The following EPB41L4A variants were observed in gnomAD, a reference collection of about 807,000 sequenced individuals.
EPB41L4A encodes erythrocyte membrane protein band 4.1 like 4A.
A neutral mutation model predicts 108.6 loss-of-function variants in EPB41L4A; 100 were observed. The ratio of observed to expected loss-of-function variants is 0.92; its 90% confidence interval spans 0.78 to 1.09. The LOEUF is 1.09. EPB41L4A is among the 50% of genes least tolerant of loss of function. The pLI, the probability that EPB41L4A is intolerant of heterozygous loss-of-function variation, is 0.00. For synonymous variants in EPB41L4A, 319 were observed against 289.0 expected (o/e 1.10, Z -1.05); for missense variants, 1,030 against 842.7 (o/e 1.22, Z -2.75).
chr5:112,167,861 C>T (rs1429425276), intron 22 of EPB41L4A, among the ~76,000 whole-genome samples: 2 of 152,232 alleles, frequency 1.3e-5, no homozygotes, highest in East Asian at 1.9e-4. Context: ...AAGGGCCATA[C>T]ATGATAGATA....
rs1761659764 is a variant in EPB41L4A at position 112,190,806 on chromosome 5, ACCC to A, written c.1502+3759_1502+3761del. Among the ~76,000 whole-genome samples, 3 of 152,014 alleles carry A rather than the reference ACCC, an allele frequency of 2.0e-5. No individual in the cohort carries two copies. In the South Asian group the frequency reaches 6.2e-4, roughly 32 times the overall value. ...AGTATCAGCACACAGCAAAACCAAGACCCAGTCCCAAGTCCTCAGGTTATTCTG... is the reference window on the plus strand; with the variant it reads ...AGTATCAGCACACAGCAAAACCAAGAAGTCCCAAGTCCTCAGGTTATTCTG... On this transcript the variant is annotated intron_variant, in intron 17 of 22. Transcript: ENST00000261486.
In EPB41L4A at chr5:112,359,772, C is replaced by T. The variant is rs563439197; in HGVS notation, c.100-52282G>A. Among the ~76,000 whole-genome samples, 765 of 152,290 alleles carry T rather than the reference C, an allele frequency of 5.0e-3. 6 individuals are homozygous for T. Among genetic ancestry groups the T allele is most frequent in the African/African-American group, 0.017 (697 of 41,560 alleles). ...AGCCAGGATGGTCTCCATCTCCTGA[C>T]CTCGTGATCCACCCGCCTTGGCCTC... On this transcript the variant is annotated intron_variant, in intron 1 of 22. Coordinates refer to ENST00000261486, the MANE Select transcript of EPB41L4A (RefSeq NM_022140.5).
At chr5:112,386,006 A>T (rs1441065027) in intron 1 of EPB41L4A, among the ~76,000 whole-genome samples, 9 of 152,266 alleles carry the variant, frequency 5.9e-5, no homozygotes, top group African/African-American at 1.7e-4. Flanking sequence ...TGGTTTAATT[A>T]GTCCATTCAA....
intron 9 of EPB41L4A, among the ~76,000 whole-genome samples, chr5:112,258,608 C>T (rs772448014): frequency 5.3e-5 from 8 of 152,162 alleles, no homozygotes; most frequent in Non-Finnish European, 7.3e-5. Flanking sequence ...CTTTCACATC[C>T]TTGCCTTCTT....
chr5:112,259,481 G>A (rs1264775730), intron 8 of EPB41L4A, among the ~76,000 whole-genome samples, 189 bp from the exon 9 acceptor site: 2 of 152,126 alleles, frequency 1.3e-5, no homozygotes, highest in Non-Finnish European at 2.9e-5. Context: ...ATTGTCCTAT[G>A]CTTCTCCACT....
At chr5:112,161,211 C>T (rs552183623), downstream of EPB41L4A, 1 of 268,274 alleles carries the variant, frequency 3.7e-6, no homozygotes, top group Middle Eastern at 4.5e-4. Flanking sequence ...GCCCTGCCCC[C>T]GTATAAAATA....
chr5:112,185,029 GAGA>G (rs141900334), intron 17 of EPB41L4A, among the ~76,000 whole-genome samples: 4,950 of 151,386 alleles, frequency 0.033, 304 homozygotes, highest in African/African-American at 0.11. Flanking sequence ...ATTGGCAGGA[GAGA>G]AGAAGTACTT....
intron 1 of EPB41L4A, among the ~76,000 whole-genome samples, chr5:112,404,442 G>A (rs1326336270): frequency 6.6e-6 from 1 of 152,136 alleles, no homozygotes; most frequent in Non-Finnish European, 1.5e-5. Flanking sequence ...TTAACATTTT[G>A]TAAGTTTTTT....
At chr5:112,173,967 G>A (rs1459579216) in intron 18 of EPB41L4A, among the ~76,000 whole-genome samples, 1 of 152,102 alleles carries the variant, frequency 6.6e-6, no homozygotes, top group Non-Finnish European at 1.5e-5. Flanking sequence ...TAATCTGAAC[G>A]AGATCATCAG....
intron 1 of EPB41L4A, among the ~76,000 whole-genome samples, chr5:112,412,784 G>A (rs920394874): frequency 2.0e-5 from 3 of 152,234 alleles, no homozygotes; most frequent in African/African-American, 7.2e-5. Context: ...CAATCTCAGA[G>A]AGGCAGGAGC....
At position 112,230,548 on chromosome 5, in the gene EPB41L4A, C is replaced by T. The variant is rs530497753; in HGVS notation, c.1087+4086G>A. On this transcript the variant is annotated intron_variant, in intron 12 of 22. Coordinates refer to ENST00000261486, the MANE Select transcript of EPB41L4A (RefSeq NM_022140.5). ...CATCTCCTTTTGAGAACTGTCTATT[C>T]GTGTCCTTTGCCCACTTTTTGATGG... 5.3e-5 allele frequency among the ~76,000 whole-genome samples: 8 copies of T among 152,220 alleles called. No homozygotes were observed. The South Asian group carries it at 1.0e-3, about 20-fold the overall frequency.
intron 1 of EPB41L4A, among the ~76,000 whole-genome samples, chr5:112,417,439 T>C (rs10051512): frequency 0.055 from 8,447 of 152,290 alleles, 728 homozygotes; most frequent in African/African-American, 0.18. Flanking sequence ...CTTTTTCTAA[T>C]TGTTTCTATC....
rs1762917934 is a variant in EPB41L4A at position 112,419,192 on chromosome 5, A to G, written c.-153T>C. ...GCGGGGTCCGGGGACCGGCCGCCGA[A>G]CCGCCCGGCGGGGCGGGAGCGAGAA... On this transcript the variant is annotated 5_prime_UTR_variant, in exon 1 of 23. Transcript: ENST00000261486. The G allele has an allele frequency of 9.5e-6, 5 of 525,422 alleles. 1 individual carries two copies. The South Asian group carries it at 1.3e-4, about 13-fold the overall frequency. 32.5% of individuals were successfully genotyped at this position (525,422 alleles called of 1,614,324 possible).
chr5:112,210,643 C>T (rs975219656), intron 12 of EPB41L4A, among the ~76,000 whole-genome samples: 18 of 152,098 alleles, frequency 1.2e-4, no homozygotes, highest in Middle Eastern at 3.4e-3. Context: ...AAGTCATGAT[C>T]GAAATAAAGA....
intron 9 of EPB41L4A, among the ~76,000 whole-genome samples, chr5:112,247,491 T>G (rs143025146): frequency 3.5e-4 from 54 of 152,260 alleles, no homozygotes; most frequent in African/African-American, 1.2e-3. Context: ...ATACTGAGAA[T>G]TACCACCTAC....
At chr5:112,195,624 C>T (rs1580408816) in intron 16 of EPB41L4A, 37 bp downstream of exon 16, 1 of 1,549,018 alleles carries the variant, frequency 6.5e-7, no homozygotes, top group Non-Finnish European at 8.9e-7. Flanking sequence ...GCTAACCCTT[C>T]TTCCCTCTGA....
At chr5:112,361,967 C>T (rs429580) in intron 1 of EPB41L4A, among the ~76,000 whole-genome samples, 101,347 of 152,066 alleles carry the variant, frequency 0.67, 33,947 homozygotes, top group South Asian at 0.82. Context: ...CTTTTTCCTT[C>T]CTTCTTGATA....
chr5:112,215,565 A>G (rs889995872), intron 12 of EPB41L4A, among the ~76,000 whole-genome samples: 11 of 152,118 alleles, frequency 7.2e-5, no homozygotes, highest in African/African-American at 2.7e-4. Flanking sequence ...GATCGAGACC[A>G]TTCTGGTTAA....
At chr5:112,232,136 G>C (rs939338903) in intron 12 of EPB41L4A, among the ~76,000 whole-genome samples, 3 of 150,826 alleles carry the variant, frequency 2.0e-5, no homozygotes, top group African/African-American at 4.9e-5. Context: ...AAAAGAGAGA[G>C]AGAGAGAGAG....
Sources: gnomAD v4.1 joint callset for allele counts (sites outside exome capture counted in the v4.1 genomes callset) on GRCh38, gnomAD v4.1.1 for gene constraint, MANE v1.5 for transcripts, NCBI Gene and HGNC (gene_info 2026-07-23, HGNC 2026-07-21) for gene names.